Variants in BPIFC observed in about 807,000 individuals in gnomAD.
BPIFC encodes the protein BPI fold containing family C, also known as BPI fold-containing family C protein.
BPIFC carries 60 observed loss-of-function variants against 57.6 expected under a neutral mutation model. The ratio of observed to expected loss-of-function variants is 1.04; its 90% CI spans 0.85 to 1.29. The LOEUF is 1.29. Among genes scored for constraint, BPIFC ranks in the 50% most tolerant of loss-of-function variants. BPIFC has a pLI of 0.00. For missense variants in BPIFC, 581 were observed against 600.5 expected, an observed-to-expected ratio of 0.97 and a Z score of 0.34; for synonymous variants, 243 against 224.5, an observed-to-expected ratio of 1.08 and a Z score of -0.74.
chr22:32,440,593 T>G (rs1250835195), intron 8 of BPIFC, among the ~76,000 whole-genome samples: 1 of 152,216 alleles, frequency 6.6e-6, no homozygotes. Flanking sequence ...TGATCTAAAC[T>G]GGGCTCCTGA....
chr22:32,462,859 T>C (rs1935194756), intron 1 of BPIFC, among the ~76,000 whole-genome samples: 1 of 152,230 alleles, frequency 6.6e-6, no homozygotes, highest in Non-Finnish European at 1.5e-5. Context: ...ATTTTTTTTA[T>C]TACACTTTAA....
chr22:32,461,341 G>C (rs529585443), intron 2 of BPIFC, among the ~76,000 whole-genome samples: 2 of 152,344 alleles, frequency 1.3e-5, no homozygotes, highest in South Asian at 4.1e-4. Context: ...AAGAAAGGAT[G>C]ACTTGAGGGT....
intron 4 of BPIFC, among the ~76,000 whole-genome samples, chr22:32,451,069 AGC>A (rs1934882484): frequency 6.6e-6 from 1 of 152,244 alleles, no homozygotes; most frequent in Non-Finnish European, 1.5e-5. Context: ...AGTGTTTAAT[AGC>A]CACCTGTGGC....
chr22:32,452,032 C>T (rs575735013), intron 4 of BPIFC, among the ~76,000 whole-genome samples: 6 of 152,116 alleles, frequency 3.9e-5, no homozygotes, highest in African/African-American at 1.4e-4. Context: ...TCCCATGTCA[C>T]TGGGACTACA....
chr22:32,416,019 A>T, intron 15 of BPIFC, 28 bp from the exon 16 acceptor site: 1 of 1,462,678 alleles, frequency 6.8e-7, no homozygotes, highest in Non-Finnish European at 9.3e-7. Context: ...ACGTAAAACA[A>T]TTGGGCACAA....
rs116270210 is a variant in BPIFC at position 32,438,405 on chromosome 22, T to C, written c.656-554A>G. Among the ~76,000 whole-genome samples the C allele has an allele frequency of 6.0e-3, 909 of 152,344 alleles. 9 individuals are homozygous for C. The highest frequency in any genetic ancestry group is 0.018 in the African/African-American group (735 of 41,574). ...TAGTTTTGTTTTTTGTTTTTTGTTT[T>C]TTTTGAGACAAAGTCTCACTCTATC... On this transcript the variant is annotated intron_variant, in intron 8 of 16. Transcript: ENST00000300399.
chr22:32,422,847 G>A (rs184406365), intron 13 of BPIFC, among the ~76,000 whole-genome samples: 1 of 152,270 alleles, frequency 6.6e-6, no homozygotes, highest in East Asian at 1.9e-4. Flanking sequence ...TTTGAGAGAA[G>A]ACTCTGTACA....
At chr22:32,438,445 G>A (rs907931953) in intron 8 of BPIFC, among the ~76,000 whole-genome samples, 1 of 152,106 alleles carries the variant, frequency 6.6e-6, no homozygotes, top group Non-Finnish European at 1.5e-5. Context: ...TGACTGGAGT[G>A]CAGTGGTACA....
At chr22:32,447,608 T>TC (rs1934766285) in intron 4 of BPIFC, among the ~76,000 whole-genome samples, 1 of 50,900 alleles carries the variant, frequency 2.0e-5, no homozygotes, top group African/African-American at 8.9e-5. Context: ...TCTCGCTCTC[T>TC]TTTTTTTTTT....
intron 8 of BPIFC, among the ~76,000 whole-genome samples, chr22:32,438,203 G>GTGAA (rs1276122691): frequency 3.9e-5 from 6 of 152,080 alleles, no homozygotes; most frequent in African/African-American, 1.5e-4. Flanking sequence ...GAATGTGAAT[G>GTGAA]TGAATGTGAA....
chr22:32,441,642 A>G (rs1019710603), intron 8 of BPIFC, among the ~76,000 whole-genome samples: 1 of 152,176 alleles, frequency 6.6e-6, no homozygotes, highest in Non-Finnish European at 1.5e-5. Flanking sequence ...TCTTAAATAT[A>G]AAGAGGAGGG....
Position 32,453,459 on chromosome 22 carries a change from T to G in BPIFC, c.169A>C (p.Lys57Gln). ...GAACCGCTTAAATCTGGGAGTTTCT[T>G]TTCTTTTAGCATTTGCTCAATCATC... ...MKMIEQMLKE[K>Q]KLPDLSGSES... Residue 57 changes from lysine to glutamine, a missense_variant, in exon 4 of 17, where the codon AAG (lysine) becomes CAG (glutamine). Coordinates refer to ENST00000300399, the MANE Select transcript of BPIFC (RefSeq NM_174932.3). 2 of 1,607,172 alleles carry G rather than the reference T, an allele frequency of 1.2e-6. No individual in the cohort carries two copies. Among genetic ancestry groups the G allele is most frequent in the Non-Finnish European group, 1.7e-6 (2 of 1,178,500 alleles).
chr22:32,415,791 G>C (rs140935412), intron 16 of BPIFC, 124 bp downstream of exon 16: 2 of 603,592 alleles, frequency 3.3e-6, no homozygotes, highest in East Asian at 6.6e-5. Flanking sequence ...AAGATTCCCT[G>C]GTCTGGGAAA....
At chr22:32,454,383 A>C (rs1162583766) in intron 3 of BPIFC, among the ~76,000 whole-genome samples, 1 of 152,160 alleles carries the variant, frequency 6.6e-6, no homozygotes, top group Non-Finnish European at 1.5e-5. Context: ...GAGAGAATCT[A>C]CATTTTGACC....
At position 32,417,087 on chromosome 22, in the gene BPIFC, T is replaced by C. The variant is rs750142966; in HGVS notation, c.1322A>G (p.Asn441Ser). The C allele has an allele frequency of 1.9e-6, 3 of 1,596,608 alleles. No homozygotes were observed. Among genetic ancestry groups the C allele is most frequent in the Middle Eastern group, 1.7e-4 (1 of 6,026 alleles). ...ATTGTTTTCCAATAATCCCTTACCA[T>C]TGGCCAGTGGGAGGACTCCAAAGTG... ...ILHFGVLPLANAKLQQGFPLS... is the reference protein window; with the variant it reads ...ILHFGVLPLASAKLQQGFPLS... The change falls in exon 15 of 17, where the codon AAT (asparagine) becomes AGT (serine). Residue 441 changes from asparagine (N) to serine (S), a missense_variant and splice_region_variant. Transcript: ENST00000300399.
Position 32,445,581 on chromosome 22 carries a change from T to C in BPIFC, c.594+54A>G, listed in dbSNP as rs1180200315. On this transcript the variant is annotated intron_variant, in intron 7 of 16. Transcript: ENST00000300399. ...CAAAAAAGAATTAATTAAAGGATGATAGAACTTCTACTAATGGCATTTTAC... is the reference window on the plus strand; with the variant it reads ...CAAAAAAGAATTAATTAAAGGATGACAGAACTTCTACTAATGGCATTTTAC... The C allele has an allele frequency of 1.2e-5, 17 of 1,443,110 alleles. No individual in the cohort carries two copies. In the Admixed American group the frequency reaches 2.8e-4, roughly 23 times the overall value. The allele number at this position is 1,443,110 out of a possible 1,614,324, so 89.4% of individuals were successfully genotyped here. A position where few individuals can be genotyped will look rare whatever the true frequency, so the allele number is the denominator to read the frequency against.
intron 13 of BPIFC, among the ~76,000 whole-genome samples, chr22:32,424,705 C>T (rs28653377): frequency 0.026 from 1,222 of 47,720 alleles, 230 homozygotes; most frequent in East Asian, 0.23. Flanking sequence ...CTTCTTCTTC[C>T]TCTTCTTCTT....
At chr22:32,455,050 C>CTTTTTTTTTTTTTTTTT (rs1392514246) in intron 3 of BPIFC, among the ~76,000 whole-genome samples, 2 of 134,148 alleles carry the variant, frequency 1.5e-5, no homozygotes, top group Non-Finnish European at 1.6e-5. Context: ...TTTTCATCTC[C>CTTTTTTTTTTTTTTTTT]ATTTTTTTTT....
intron 13 of BPIFC, among the ~76,000 whole-genome samples, chr22:32,429,854 T>C (rs5998487): frequency 6.2e-4 from 95 of 152,236 alleles, no homozygotes; most frequent in Non-Finnish European, 1.2e-3. Flanking sequence ...AACTACCACG[T>C]TGACTTGTGA....
Sources: gnomAD v4.1 joint callset for allele counts (sites outside exome capture counted in the v4.1 genomes callset) on GRCh38, gnomAD v4.1.1 for gene constraint, MANE v1.5 for transcripts, NCBI Gene and HGNC (gene_info 2026-07-23, HGNC 2026-07-21) for gene names.